The following TMEFF1 variants were observed in gnomAD, a reference collection of about 807,000 sequenced individuals.
The protein encoded by TMEFF1 is tomoregulin-1.
Under a neutral mutation model 47.5 loss-of-function variants are expected in TMEFF1, and 20 were observed. The observed-to-expected ratio is 0.42, with a 90% CI of 0.30 to 0.61. The LOEUF is 0.61. TMEFF1 is among the 20% of genes least tolerant of loss of function. The pLI is 0.19. For synonymous variants in TMEFF1, 162 were observed against 166.3 expected (o/e 0.97, Z 0.20); for missense variants, 411 against 471.1 (o/e 0.87, Z 1.18).
At chr9:100,568,400 C>T (rs1211050583) in intron 8 of TMEFF1, among the ~76,000 whole-genome samples, 6 of 152,168 alleles carry the variant, frequency 3.9e-5, no homozygotes, top group Admixed American at 3.9e-4. Flanking sequence ...ATTGAATTTA[C>T]TGCAGCTGTG....
At chr9:100,568,735 C>T (rs534158617) in intron 8 of TMEFF1, among the ~76,000 whole-genome samples, 2 of 152,146 alleles carry the variant, frequency 1.3e-5, no homozygotes, top group Admixed American at 6.6e-5. Context: ...TCCCCTCATG[C>T]TCTCTAGCTC....
At chr9:100,477,278 A>C (rs527295558) in intron 1 of TMEFF1, among the ~76,000 whole-genome samples, 1 of 152,348 alleles carries the variant, frequency 6.6e-6, no homozygotes, top group Non-Finnish European at 1.5e-5. Context: ...TTAGTCAACC[A>C]GATGTTCAAC....
At chr9:100,493,870 A>T (rs1046835882) in intron 1 of TMEFF1, among the ~76,000 whole-genome samples, 1 of 152,190 alleles carries the variant, frequency 6.6e-6, no homozygotes, top group South Asian at 2.1e-4. Flanking sequence ...AAGCTAAGGC[A>T]GTGATTCTGT....
intron 7 of TMEFF1, among the ~76,000 whole-genome samples, chr9:100,556,287 A>C (rs1307393757): frequency 1.3e-5 from 2 of 152,218 alleles, no homozygotes; most frequent in Non-Finnish European, 2.9e-5. Flanking sequence ...ACTTGATCTC[A>C]GCTTACTACA....
At chr9:100,513,862 C>G (rs1331566632) in intron 4 of TMEFF1, among the ~76,000 whole-genome samples, 1 of 152,154 alleles carries the variant, frequency 6.6e-6, no homozygotes, top group Non-Finnish European at 1.5e-5. Context: ...AAGACTTGCC[C>G]AACAACTCTC....
chr9:100,562,445 T>TA (rs906565910), intron 8 of TMEFF1, among the ~76,000 whole-genome samples: 6 of 151,990 alleles, frequency 3.9e-5, no homozygotes, highest in Non-Finnish European at 7.4e-5. Flanking sequence ...TTCTCCTGCT[T>TA]AAAAAAACAA....
intron 1 of TMEFF1, among the ~76,000 whole-genome samples, chr9:100,498,100 A>T (rs1837691272): frequency 6.6e-6 from 1 of 152,168 alleles, no homozygotes; most frequent in Admixed American, 6.5e-5. Context: ...GAGCAGGAGC[A>T]ATATGACCAC....
At chr9:100,547,707 GT>G in intron 5 of TMEFF1, 36 bp from the exon 6 acceptor site, 1 of 1,437,158 alleles carries the variant, frequency 7.0e-7, no homozygotes, top group African/African-American at 1.5e-5. Context: ...AAATATTTTT[GT>G]TGTAAAATAT....
intron 5 of TMEFF1, among the ~76,000 whole-genome samples, chr9:100,537,141 A>G (rs1010276480): frequency 1.3e-5 from 2 of 152,226 alleles, no homozygotes; most frequent in African/African-American, 4.8e-5. Flanking sequence ...AGTTGAGTAT[A>G]TTTAAGAAGT....
intron 1 of TMEFF1, among the ~76,000 whole-genome samples, chr9:100,485,541 A>G (rs574357066): frequency 4.7e-4 from 71 of 152,324 alleles, no homozygotes; most frequent in African/African-American, 1.7e-3. Context: ...GTTATAACCA[A>G]CCATCTTCAT....
chr9:100,533,000 A>G (rs1458176855), intron 5 of TMEFF1, among the ~76,000 whole-genome samples: 1 of 150,418 alleles, frequency 6.6e-6, no homozygotes, highest in East Asian at 2.0e-4. Flanking sequence ...AAAAAACAAA[A>G]CACTGCATAT....
intron 7 of TMEFF1, among the ~76,000 whole-genome samples, chr9:100,561,088 TC>T (rs1839005104): frequency 6.6e-6 from 1 of 152,224 alleles, no homozygotes; most frequent in Non-Finnish European, 1.5e-5. Context: ...AGCATTTATT[TC>T]TTTAGCAAAG....
chr9:100,516,424 C>T lies in TMEFF1; in HGVS notation c.464-251C>T, dbSNP rs553424061. On this transcript the variant is annotated intron_variant, in intron 4 of 9. Transcript: ENST00000374879. Reference sequence around the variant, plus strand: ...AAAAAGCAATTCATTATCAAACCTACTGTGTAGTTCTGCCTACATAGTTTA... The same window carrying T: ...AAAAAGCAATTCATTATCAAACCTATTGTGTAGTTCTGCCTACATAGTTTA... Among the ~76,000 whole-genome samples, 18 of 152,290 alleles carry T rather than the reference C, an allele frequency of 1.2e-4. 1 individual carries two copies. The highest frequency in any genetic ancestry group is 3.4e-3 in the Middle Eastern group (1 of 294).
rs115675966 is a variant in TMEFF1, at chr9:100,493,800, C to T, written c.197-4965C>T. 6.7e-3 allele frequency among the ~76,000 whole-genome samples: 1,027 copies of T among 152,240 alleles called. 7 individuals carry two copies. The highest frequency in any genetic ancestry group is 0.024 in the African/African-American group (998 of 41,552). On this transcript the variant is annotated intron_variant, in intron 1 of 9. Coordinates refer to ENST00000374879, the MANE Select transcript of TMEFF1 (RefSeq NM_003692.5). ...TTGATGCCTGGTACTGTACAGAATA[C>T]TTGAAAACAAAGAACATTCAGAAGA... is the stretch of plus-strand genomic sequence containing the variant.
intron 5 of TMEFF1, among the ~76,000 whole-genome samples, chr9:100,526,442 C>T (rs1838254066): frequency 6.6e-6 from 1 of 151,788 alleles, no homozygotes; most frequent in Non-Finnish European, 1.5e-5. Context: ...CTTTTTTTCC[C>T]CTGTTTTCTG....
chr9:100,550,327 T>C (rs1479672149), intron 7 of TMEFF1, among the ~76,000 whole-genome samples, 167 bp downstream of exon 7: 1 of 152,224 alleles, frequency 6.6e-6, no homozygotes, highest in African/African-American at 2.4e-5. Context: ...ACAGCTGAAG[T>C]TCATCTCATT....
At chr9:100,568,201 G>C (rs1032220653) in intron 8 of TMEFF1, among the ~76,000 whole-genome samples, 4 of 152,148 alleles carry the variant, frequency 2.6e-5, no homozygotes, top group African/African-American at 9.7e-5. Flanking sequence ...GATGATATAT[G>C]GCCTATTGGT....
intron 5 of TMEFF1, among the ~76,000 whole-genome samples, chr9:100,524,633 T>C (rs1468135831): frequency 6.6e-6 from 1 of 152,234 alleles, no homozygotes; most frequent in Non-Finnish European, 1.5e-5. Flanking sequence ...TGTTTACTTA[T>C]AATCTCCCCA....
intron 2 of TMEFF1, among the ~76,000 whole-genome samples, chr9:100,499,806 A>G (rs1325080582): frequency 1.3e-5 from 2 of 152,248 alleles, no homozygotes; most frequent in Non-Finnish European, 2.9e-5. Flanking sequence ...CATATGAAAC[A>G]TCTTTGAAAA....
Sources: allele counts gnomAD v4.1 joint callset (sites outside exome capture counted in the v4.1 genomes callset), GRCh38; gene constraint gnomAD v4.1.1; transcripts MANE v1.5; gene names NCBI Gene and HGNC (gene_info 2026-07-23, HGNC 2026-07-21).